Variants in ENTHD1 observed in about 807,000 individuals in gnomAD.
ENTHD1 encodes ENTH domain containing 1.
A neutral mutation model predicts 39.1 loss-of-function variants in ENTHD1; 23 were observed. The ratio of observed to expected loss-of-function variants is 0.59; its 90% CI spans 0.42 to 0.83. The LOEUF is 0.83. Ranked by LOEUF, ENTHD1 falls within the 40% of genes least tolerant of loss-of-function variation. ENTHD1 has a pLI of 0.00. For synonymous variants in ENTHD1, 230 were observed against 258.2 expected, an observed-to-expected ratio of 0.89 and a Z score of 1.05; for missense variants, 624 against 705.4, an observed-to-expected ratio of 0.88 and a Z score of 1.31.
intron 3 of ENTHD1, among the ~76,000 whole-genome samples, chr22:39,859,959 C>G (rs1287328767): frequency 1.3e-5 from 2 of 152,148 alleles, no homozygotes; most frequent in East Asian, 3.8e-4. Flanking sequence ...TCATTCAGGT[C>G]TGTTTGAAGA....
chr22:39,811,525 C>T (rs969646468), intron 5 of ENTHD1, among the ~76,000 whole-genome samples: 3 of 152,170 alleles, frequency 2.0e-5, no homozygotes, highest in African/African-American at 7.2e-5. Flanking sequence ...AACTATTAGC[C>T]ACCTAAAAAA....
At chr22:39,876,065 G>T in intron 2 of ENTHD1, 1 of 1,613,818 alleles carries the variant, frequency 6.2e-7, no homozygotes, top group Middle Eastern at 1.7e-4. Context: ...TCTCAACCTT[G>T]AAGTCCCCAC....
intron 5 of ENTHD1, among the ~76,000 whole-genome samples, chr22:39,793,131 TAGGGTG>T (rs2065518164): frequency 6.6e-6 from 1 of 152,174 alleles, no homozygotes; most frequent in African/African-American, 2.4e-5. Flanking sequence ...CTATTTAAAC[TAGGGTG>T]AGATGATTTC....
chr22:39,849,794 G>A (rs1306179838), intron 3 of ENTHD1, among the ~76,000 whole-genome samples: 3 of 151,964 alleles, frequency 2.0e-5, no homozygotes, highest in African/African-American at 4.8e-5. Flanking sequence ...TAGATCTTTC[G>A]AAGTTTTCTA....
In ENTHD1 at chr22:39,861,842, G is replaced by A; in HGVS notation, c.515C>T (p.Thr172Ile). The A allele has an allele frequency of 2.5e-6, 4 of 1,604,542 alleles. No individual in the cohort carries two copies. Among genetic ancestry groups the A allele is most frequent in the Non-Finnish European group, 3.4e-6 (4 of 1,173,640 alleles). ...AGAAATATCCGGTGTGGGGGCAGAA[G>A]TGCACGCTGTCAGTGAGTTACTTGA... ...LGSSNSLTAC[T>I]SAPTPDISAS... Residue 172 changes from threonine (T) to isoleucine (I), a missense_variant, in exon 3 of 7, where the codon ACT becomes ATT. Thr to Ile is a moderately conservative substitution (Grantham distance 89, BLOSUM62 -1). Coordinates refer to ENST00000325157, the MANE Select transcript of ENTHD1 (RefSeq NM_152512.4).
intron 2 of ENTHD1, among the ~76,000 whole-genome samples, chr22:39,866,872 G>A (rs1037685111): frequency 3.9e-5 from 6 of 152,132 alleles, no homozygotes; most frequent in African/African-American, 1.4e-4. Flanking sequence ...ATATGCTGAG[G>A]AAAAGTTTTC....
chr22:39,816,637 T>C (rs2065735792), intron 5 of ENTHD1, among the ~76,000 whole-genome samples: 2 of 152,152 alleles, frequency 1.3e-5, no homozygotes, highest in South Asian at 4.1e-4. Flanking sequence ...TGCCCTTATC[T>C]AAAACCATTC....
At chr22:39,784,541 T>C in intron 5 of ENTHD1, among the ~76,000 whole-genome samples, 1 of 115,270 alleles carries the variant, frequency 8.7e-6, no homozygotes, top group African/African-American at 3.6e-5. Context: ...TCTCTCTCTG[T>C]ATACACACAC....
chr22:39,771,770 C>A (rs2146569810), intron 5 of ENTHD1, among the ~76,000 whole-genome samples: 1 of 151,840 alleles, frequency 6.6e-6, no homozygotes, highest in Non-Finnish European at 1.5e-5. Context: ...AAGGCAAAAT[C>A]AAAACATTGT....
At position 39,793,341 on chromosome 22, in the gene ENTHD1, G is replaced by GTTGT. The variant is rs781630124; in HGVS notation, c.832+27651_832+27652insACAA. ...TCACTTTTTAATGGGATTATTAGTT[G>GTTGT]TTTTTTTTTTTTTTGCTGTTGTTTG... On this transcript the variant is annotated intron_variant, in intron 5 of 6. Transcript: ENST00000325157. 6.4e-4 allele frequency among the ~76,000 whole-genome samples: 83 copies of GTTGT among 130,106 alleles called. 1 individual carries two copies. Among genetic ancestry groups the GTTGT allele is most frequent in the Middle Eastern group, 8.1e-3 (2 of 246 alleles). The allele number at this position is 130,106 out of a possible 152,430, so 85.4% of individuals were successfully genotyped here. A position where few individuals can be genotyped will look rare whatever the true frequency, so the allele number is the denominator to read the frequency against.
intron 5 of ENTHD1, among the ~76,000 whole-genome samples, chr22:39,765,847 A>G (rs2065272430): frequency 6.6e-6 from 1 of 151,934 alleles, no homozygotes. Context: ...ACTGAAGCAC[A>G]AAGCAAGGAA....
At chr22:39,752,843 C>T (rs2065157698) in intron 6 of ENTHD1, among the ~76,000 whole-genome samples, 1 of 152,214 alleles carries the variant, frequency 6.6e-6, no homozygotes, top group African/African-American at 2.4e-5. Flanking sequence ...CTCTACTCTG[C>T]ACGGTGCTTC....
rs1472137624 is a variant in ENTHD1 at position 39,743,694 on chromosome 22, G to A, written c.1809C>T (p.Ser603=). 6.2e-7 allele frequency: 1 copy of A among 1,609,476 alleles called. No individual in the cohort carries two copies. Among genetic ancestry groups the A allele is most frequent in the Non-Finnish European group, 8.5e-7 (1 of 1,177,840 alleles). Residue 603 remains serine (S), a synonymous_variant, in exon 7 of 7, where the codon AGC becomes AGT. Coordinates refer to ENST00000325157, the MANE Select transcript of ENTHD1 (RefSeq NM_152512.4). The part of the protein sequence containing the change: ...SSQVPQSSEG[S]SDQI ...ATTGTGATGATTAGATCTGATCTGA[G>A]CTCCCCTCAGAAGACTGGGGGACCT...
At chr22:39,810,101 G>A (rs1209224724) in intron 5 of ENTHD1, among the ~76,000 whole-genome samples, 1 of 152,150 alleles carries the variant, frequency 6.6e-6, no homozygotes, top group Non-Finnish European at 1.5e-5. Context: ...AACTTCTTGA[G>A]GGGAAGGTCT....
At chr22:39,881,456 CTTA>C (rs1447449298) in intron 2 of ENTHD1, among the ~76,000 whole-genome samples, 1 of 152,178 alleles carries the variant, frequency 6.6e-6, no homozygotes, top group African/African-American at 2.4e-5. Flanking sequence ...GAAAAAGTAA[CTTA>C]TTATTCTCCG....
chr22:39,787,685 G>A (rs2146595481), intron 5 of ENTHD1, among the ~76,000 whole-genome samples: 1 of 152,328 alleles, frequency 6.6e-6, no homozygotes, highest in South Asian at 2.1e-4. Context: ...TATGAAGGTT[G>A]AGAGAGATGA....
intron 1 of ENTHD1, among the ~76,000 whole-genome samples, chr22:39,891,910 G>C (rs936811472): frequency 6.6e-6 from 1 of 151,924 alleles, no homozygotes; most frequent in African/African-American, 2.4e-5. Flanking sequence ...GTGAGCCACC[G>C]TGCTTGGCCT....
intron 5 of ENTHD1, among the ~76,000 whole-genome samples, chr22:39,790,654 C>T (rs1293746426): frequency 7.2e-5 from 11 of 152,202 alleles, no homozygotes; most frequent in Admixed American, 7.2e-4. Context: ...TGTGGCTTCA[C>T]CACCAAAGAG....
chr22:39,759,511 T>C (rs1318963599), intron 6 of ENTHD1, among the ~76,000 whole-genome samples: 2 of 152,098 alleles, frequency 1.3e-5, no homozygotes, highest in African/African-American at 4.8e-5. Context: ...TTTTGATCAG[T>C]CTTAATAGGG....
Sources: gnomAD v4.1 joint callset for allele counts (sites outside exome capture counted in the v4.1 genomes callset) on GRCh38, gnomAD v4.1.1 for gene constraint, MANE v1.5 for transcripts, NCBI Gene and HGNC (gene_info 2026-07-23, HGNC 2026-07-21) for gene names.